The following NSDHL variants were observed in gnomAD, a reference collection of about 807,000 sequenced individuals.
The protein encoded by NSDHL is sterol-4-alpha-carboxylate 3-dehydrogenase, decarboxylating.
Under a neutral mutation model 23.0 loss-of-function variants are expected in NSDHL, and 1 was observed. That is an observed-to-expected ratio of 0.04 (90% CI 0.02 to 0.21). NSDHL has a LOEUF of 0.21. NSDHL is among the 10% of genes least tolerant of loss of function. The pLI, the probability that NSDHL is intolerant of heterozygous loss-of-function variation, is 1.00. For missense variants in NSDHL, 237 were observed against 300.9 expected, an observed-to-expected ratio of 0.79 and a Z score of 1.57; for synonymous variants, 128 against 121.1, an observed-to-expected ratio of 1.06 and a Z score of -0.37.
chrX:152,850,214 C>T (rs372772110), intron 2 of NSDHL, 51 bp from the exon 3 acceptor site: 3 of 1,150,457 alleles, frequency 2.6e-6, no homozygotes, highest in Non-Finnish European at 3.6e-6. Context: ...GACTCTGTAG[C>T]TTCCAGTCCT....
Position 152,866,719 on chromosome X carries a change from A to G in NSDHL, c.686+758A>G, listed in dbSNP as rs781896019. ...TTCTGTGTCCAAATTTCCCTCTTATAAGGACATCATTCCCTGGATTTAAAG... is the reference window on the plus strand; with the variant it reads ...TTCTGTGTCCAAATTTCCCTCTTATGAGGACATCATTCCCTGGATTTAAAG... On this transcript the variant is annotated intron_variant, in intron 6 of 7. Transcript: ENST00000370274. Among the ~76,000 whole-genome samples the G allele has an allele frequency of 1.8e-3, 203 of 112,018 alleles. 2 individuals carry two copies. The highest frequency in any genetic ancestry group is 2.6e-3 in the Non-Finnish European group (138 of 53,143).
chrX:152,869,421 A>C lies in NSDHL; in HGVS notation c.*305A>C, dbSNP rs1556848657. 2 of 337,409 alleles carry C rather than the reference A, an allele frequency of 5.9e-6. No individual in the cohort carries two copies. Among genetic ancestry groups the C allele is most frequent in the Non-Finnish European group, 1.1e-5 (2 of 189,106 alleles). The allele number at this position is 337,409 out of a possible 1,213,427, so 27.8% of individuals were successfully genotyped here. A position where few individuals can be genotyped will look rare whatever the true frequency, so the allele number is the denominator to read the frequency against. On this transcript the variant is annotated 3_prime_UTR_variant, in exon 8 of 8. Coordinates refer to ENST00000370274, the MANE Select transcript of NSDHL (RefSeq NM_015922.3). The stretch of plus-strand genomic sequence containing the variant: ...CCCCCTCTTCTGGTTTATACATTTC[A>C]TTCCAGTGTCCTTGTACATAATCAA...
At chrX:152,843,603 T>C (rs1933227211) in intron 1 of NSDHL, among the ~76,000 whole-genome samples, 1 of 112,109 alleles carries the variant, frequency 8.9e-6, no homozygotes, top group African/African-American at 3.2e-5. Flanking sequence ...ATGTCTCTTA[T>C]AAGACCACTT....
At chrX:152,860,715 TA>T (rs1187440953) in intron 4 of NSDHL, among the ~76,000 whole-genome samples, 5 of 107,282 alleles carry the variant, frequency 4.7e-5, no homozygotes, top group South Asian at 4.0e-4. Flanking sequence ...CCTTGTCTCT[TA>T]AAAAAAAAAT....
rs181804338 is a variant in NSDHL at position 152,860,121 on chromosome X, C to T, written c.414+1205C>T. On this transcript the variant is annotated intron_variant, in intron 4 of 7. Transcript: ENST00000370274. ...CCTGTCCTGGCACTGTTGGCTGGTC[C>T]GCAGCATCCTCAGCCGGCCCAGCAG... is the stretch of plus-strand genomic sequence containing the variant. 2.4e-4 allele frequency among the ~76,000 whole-genome samples: 27 copies of T among 112,325 alleles called. No homozygotes were observed. In the East Asian group the frequency reaches 6.7e-3, roughly 28 times the overall value.
At chrX:152,853,990 C>A (rs1025748817) in intron 3 of NSDHL, among the ~76,000 whole-genome samples, 43 of 112,563 alleles carry the variant, frequency 3.8e-4, no homozygotes, top group African/African-American at 1.3e-3. Context: ...TGAAATTTGT[C>A]CTCTCTACCA....
chrX:152,837,200 A>G (rs1274200208), intron 1 of NSDHL, among the ~76,000 whole-genome samples: 2 of 111,804 alleles, frequency 1.8e-5, no homozygotes, highest in Admixed American at 9.5e-5. Context: ...TTTGGGCTGA[A>G]ACGATAGGGT....
chrX:152,836,636 C>G (rs141257285), intron 1 of NSDHL, among the ~76,000 whole-genome samples: 3,042 of 111,354 alleles, frequency 0.027, 95 homozygotes, highest in African/African-American at 0.093. Context: ...TATTTCTGAG[C>G]GCTCTGTTTT....
Position 152,831,194 on chromosome X carries a change from G to C in NSDHL, c.-44+77G>C, listed in dbSNP as rs373289884. On this transcript the variant is annotated intron_variant, in intron 1 of 7. Coordinates refer to ENST00000370274, the MANE Select transcript of NSDHL (RefSeq NM_015922.3). ...AGTGCGGGAGGGTGGGGAGCTACGGGGTCGCCCGGGTCGGGTGCTTTCTGG... is the reference window on the plus strand; with the variant it reads ...AGTGCGGGAGGGTGGGGAGCTACGGCGTCGCCCGGGTCGGGTGCTTTCTGG... 1.7e-4 allele frequency: 50 copies of C among 296,282 alleles called. 1 individual carries two copies. The highest frequency in any genetic ancestry group is 7.4e-4 in the African/African-American group (27 of 36,331). 24.4% of individuals were successfully genotyped at this position (296,282 alleles called of 1,213,427 possible). A position where few individuals can be genotyped will look rare whatever the true frequency, so the allele number is the denominator to read the frequency against.
intron 1 of NSDHL, among the ~76,000 whole-genome samples, chrX:152,839,972 A>G (rs1207989656): frequency 8.9e-6 from 1 of 112,153 alleles, no homozygotes; most frequent in African/African-American, 3.2e-5. Context: ...ACATAGTCCC[A>G]TGTTATTTGG....
chrX:152,856,808 G>A (rs1401843083), intron 3 of NSDHL, among the ~76,000 whole-genome samples: 2 of 113,134 alleles, frequency 1.8e-5, no homozygotes, highest in East Asian at 2.8e-4. Flanking sequence ...TGCAATGCCA[G>A]CACTTTGGGA....
chrX:152,860,915 T>C (rs1385151226), intron 4 of NSDHL, among the ~76,000 whole-genome samples: 6 of 112,184 alleles, frequency 5.3e-5, no homozygotes, highest in African/African-American at 1.9e-4. Flanking sequence ...ATATAAAGTA[T>C]TGGATTGCAT....
intron 1 of NSDHL, among the ~76,000 whole-genome samples, chrX:152,844,709 TG>T (rs1377382048): frequency 1.3e-4 from 15 of 112,534 alleles, no homozygotes; most frequent in African/African-American, 4.8e-4. Flanking sequence ...GGGATATGCA[TG>T]TATGCGATGG....
At chrX:152,850,072 C>G (rs1328131812) in intron 2 of NSDHL, among the ~76,000 whole-genome samples, 193 bp from the exon 3 acceptor site, 6 of 112,031 alleles carry the variant, frequency 5.4e-5, no homozygotes, top group Non-Finnish European at 9.4e-5. Flanking sequence ...CCTTACTGAT[C>G]CCAGGAGAGA....
intron 5 of NSDHL, among the ~76,000 whole-genome samples, chrX:152,863,156 A>G (rs1389612895): frequency 1.8e-5 from 2 of 108,317 alleles, no homozygotes; most frequent in African/African-American, 6.9e-5. Context: ...AGAGAGAGAG[A>G]CGCTGTCTCC....
intron 4 of NSDHL, among the ~76,000 whole-genome samples, chrX:152,861,621 G>C (rs1933530051): frequency 8.9e-6 from 1 of 112,693 alleles, no homozygotes; most frequent in Non-Finnish European, 1.9e-5. Context: ...TTCCCATATT[G>C]AGTGTTCCTG....
At position 152,849,746 on chromosome X, in the gene NSDHL, T is replaced by A. The variant is rs113810560; in HGVS notation, c.109-519T>A. Among the ~76,000 whole-genome samples, 1,108 of 112,652 alleles carry A rather than the reference T, an allele frequency of 9.8e-3. 7 individuals are homozygous for A. The highest frequency in any genetic ancestry group is 0.016 in the Non-Finnish European group (845 of 53,280). On this transcript the variant is annotated intron_variant, in intron 2 of 7. Transcript: ENST00000370274. ...AGCCCAGAGCCACACAGCCCAGCCC[T>A]GTTGTGGCCAGAGAGGGAAAGGGAC...
intron 2 of NSDHL, among the ~76,000 whole-genome samples, chrX:152,847,509 T>G (rs1933292142): frequency 8.9e-6 from 1 of 111,810 alleles, no homozygotes; most frequent in African/African-American, 3.3e-5. Flanking sequence ...CTCATTTATG[T>G]AAATTTGGGT....
intron 1 of NSDHL, among the ~76,000 whole-genome samples, chrX:152,834,862 G>T (rs1933067073): frequency 8.9e-6 from 1 of 112,701 alleles, no homozygotes; most frequent in Admixed American, 9.4e-5. Flanking sequence ...TTGGGGAAGG[G>T]CAGTTTGCCT....
Sources: gnomAD v4.1 joint callset for allele counts (sites outside exome capture counted in the v4.1 genomes callset) on GRCh38, gnomAD v4.1.1 for gene constraint, MANE v1.5 for transcripts, NCBI Gene and HGNC (gene_info 2026-07-23, HGNC 2026-07-21) for gene names.